Variants in ZNF827 observed in about 807,000 individuals in gnomAD.
The protein encoded by ZNF827 is zinc finger protein 827.
In ZNF827, 13 loss-of-function variants were observed where a neutral mutation model predicts 102.4. The ratio of observed to expected loss-of-function variants is 0.13; its 90% CI spans 0.08 to 0.20. The LOEUF is 0.20. Among genes scored for constraint, ZNF827 ranks in the 10% least tolerant of loss-of-function variants. The pLI is 1.00. For missense variants in ZNF827, 1,103 were observed against 1,344.4 expected (o/e 0.82, Z 2.81); for synonymous variants, 523 against 536.2 (o/e 0.98, Z 0.34).
chr4:145,763,013 G>C lies in ZNF827; in HGVS notation c.*17+77C>G. On this transcript the variant is annotated intron_variant, in intron 14 of 14. Coordinates refer to ENST00000508784, the MANE Select transcript of ZNF827 (RefSeq NM_001306215.2). This position sits in a 1 kb window ranked among gnomAD's most constrained non-coding sequence, Gnocchi z 4.6. ...AGCCTTTGAACCTCAGCTCACAGAAGAGTGCACACGAGAGAAATATAAAGC... is the reference window on the plus strand; with the variant it reads ...AGCCTTTGAACCTCAGCTCACAGAACAGTGCACACGAGAGAAATATAAAGC... 7.4e-7 allele frequency: 1 copy of C among 1,360,408 alleles called. No homozygotes were observed. The highest frequency in any genetic ancestry group is 1.5e-5 in the African/African-American group (1 of 68,876). The allele number at this position is 1,360,408 out of a possible 1,614,324, so 84.3% of individuals were successfully genotyped here. A position where few individuals can be genotyped will look rare whatever the true frequency, so the allele number is the denominator to read the frequency against.
chr4:145,934,080 A>G (rs1753990582), intron 1 of ZNF827, among the ~76,000 whole-genome samples: 1 of 152,222 alleles, frequency 6.6e-6, no homozygotes, highest in Non-Finnish European at 1.5e-5. Flanking sequence ...GAACTTTTGT[A>G]AAAGAGCCAT....
chr4:145,932,568 G>A lies in ZNF827; in HGVS notation c.43+5797C>T, dbSNP rs376182320. Among the ~76,000 whole-genome samples, 9 of 151,476 alleles carry A rather than the reference G, an allele frequency of 5.9e-5. No individual in the cohort carries two copies. In the South Asian group the frequency reaches 1.5e-3, roughly 25 times the overall value. Reference sequence around the variant, plus strand: ...CGGCTCACTGCAAACTCCGCCTCCCGGGTTCGCGCCATTCTCCTGCCTCAG... The same window carrying A: ...CGGCTCACTGCAAACTCCGCCTCCCAGGTTCGCGCCATTCTCCTGCCTCAG... On this transcript the variant is annotated intron_variant, in intron 1 of 14. Transcript: ENST00000508784.
intron 4 of ZNF827, among the ~76,000 whole-genome samples, chr4:145,879,453 C>G (rs1749487526): frequency 6.6e-6 from 1 of 152,108 alleles, no homozygotes; most frequent in South Asian, 2.1e-4. Context: ...TTTGTTTTTA[C>G]AGATACAATA....
At chr4:145,837,473 C>G (rs1027207149) in intron 7 of ZNF827, among the ~76,000 whole-genome samples, 3 of 140,130 alleles carry the variant, frequency 2.1e-5, no homozygotes, top group African/African-American at 7.7e-5. Flanking sequence ...CTGTGCCCCC[C>G]ACCAAAAAAA....
chr4:145,813,670 G>A (rs1471499847), intron 8 of ZNF827, among the ~76,000 whole-genome samples: 1 of 152,144 alleles, frequency 6.6e-6, no homozygotes, highest in African/African-American at 2.4e-5. Context: ...TCAGTCTTAC[G>A]AGTGCATGTG....
At chr4:145,859,080 A>G (rs187194593) in intron 5 of ZNF827, among the ~76,000 whole-genome samples, 1 of 152,308 alleles carries the variant, frequency 6.6e-6, no homozygotes, top group Non-Finnish European at 1.5e-5. Flanking sequence ...CTTGTTGGTC[A>G]ATGTTCCCAG....
At chr4:145,892,468 C>T (rs897783702) in intron 2 of ZNF827, 53 bp from the exon 3 acceptor site, 3 of 1,526,916 alleles carry the variant, frequency 2.0e-6, no homozygotes, top group Admixed American at 4.0e-5. Flanking sequence ...AGGTACACTG[C>T]ATCTGGCATT....
intron 8 of ZNF827, among the ~76,000 whole-genome samples, chr4:145,780,872 G>T: frequency 6.6e-6 from 1 of 152,200 alleles, no homozygotes; most frequent in East Asian, 1.9e-4. Flanking sequence ...ATAATTGAAT[G>T]GTGGTAAGAA....
At chr4:145,838,302 A>AC (rs745730575) in intron 7 of ZNF827, among the ~76,000 whole-genome samples, 10 of 149,084 alleles carry the variant, frequency 6.7e-5, no homozygotes, top group Non-Finnish European at 1.5e-4. Context: ...GCACCTTGCG[A>AC]CCCCCACTCC....
intron 8 of ZNF827, among the ~76,000 whole-genome samples, chr4:145,818,735 C>T (rs866064329): frequency 2.3e-4 from 35 of 152,200 alleles, no homozygotes; most frequent in Admixed American, 2.0e-4. Context: ...CACATTGAGA[C>T]GTATCTTTTT....
At chr4:145,825,403 A>C (rs1055825329) in intron 7 of ZNF827, among the ~76,000 whole-genome samples, 1 of 152,218 alleles carries the variant, frequency 6.6e-6, no homozygotes, top group African/African-American at 2.4e-5. Context: ...ACTGGACTTC[A>C]GTTTCAGAAA....
intron 6 of ZNF827, among the ~76,000 whole-genome samples, chr4:145,848,150 A>G (rs1407205718): frequency 3.3e-5 from 5 of 152,338 alleles, no homozygotes; most frequent in Non-Finnish European, 5.9e-5. Context: ...TTAAAGTTAT[A>G]TTGTTTTTAG....
intron 9 of ZNF827, among the ~76,000 whole-genome samples, chr4:145,778,882 C>A (rs1737520531): frequency 6.6e-6 from 1 of 152,050 alleles, no homozygotes; most frequent in Admixed American, 6.5e-5. Flanking sequence ...GCTGTGTGGA[C>A]TAAGTTACTA....
chr4:145,789,046 GTAGTTCCTA>G (rs748060339), intron 8 of ZNF827, among the ~76,000 whole-genome samples: 31 of 152,202 alleles, frequency 2.0e-4, no homozygotes, highest in Admixed American at 5.2e-4. Context: ...GATATAGGTG[GTAGTTCCTA>G]TAAAGACTTT....
intron 8 of ZNF827, among the ~76,000 whole-genome samples, chr4:145,804,115 A>C (rs1741178128): frequency 6.6e-6 from 1 of 152,236 alleles, no homozygotes; most frequent in Non-Finnish European, 1.5e-5. Flanking sequence ...CTTACATGCC[A>C]AAAGGAAATG....
At chr4:145,769,651 G>A (rs1735943176) in intron 11 of ZNF827, among the ~76,000 whole-genome samples, 1 of 152,082 alleles carries the variant, frequency 6.6e-6, no homozygotes, top group African/African-American at 2.4e-5. Context: ...GTTTTGCTAT[G>A]TCTGTGGAAA....
chr4:145,861,708 C>G (rs561616163), intron 5 of ZNF827, among the ~76,000 whole-genome samples: 1 of 152,234 alleles, frequency 6.6e-6, no homozygotes, highest in South Asian at 2.1e-4. Context: ...GATCCACCAC[C>G]CTGCAGCCCT....
intron 4 of ZNF827, among the ~76,000 whole-genome samples, chr4:145,875,374 T>G (rs1749070291): frequency 6.6e-6 from 1 of 152,188 alleles, no homozygotes; most frequent in African/African-American, 2.4e-5. Context: ...TCAGAGTTTC[T>G]CACTGGAAAT....
intron 5 of ZNF827, among the ~76,000 whole-genome samples, chr4:145,858,252 G>A (rs1381993818): frequency 1.3e-5 from 2 of 151,922 alleles, no homozygotes; most frequent in East Asian, 3.9e-4. Flanking sequence ...GAGGCAGGAG[G>A]ATCACTTTTA....
Sources: allele counts gnomAD v4.1 joint callset (sites outside exome capture counted in the v4.1 genomes callset), GRCh38; gene constraint gnomAD v4.1.1; non-coding constraint Gnocchi (gnomAD v3.1); transcripts MANE v1.5; gene names NCBI Gene and HGNC (gene_info 2026-07-23, HGNC 2026-07-21).